ITGA8: variants seen among roughly 807,000 people sequenced by gnomAD.
ITGA8 encodes the protein integrin alpha-8.
In ITGA8, 91 loss-of-function variants were observed where a neutral mutation model predicts 142.3. That is an observed-to-expected ratio of 0.64 (90% confidence interval 0.54 to 0.76). The LOEUF (loss-of-function observed/expected upper bound fraction) is 0.76. Among genes scored for constraint, ITGA8 ranks in the 30% least tolerant of loss-of-function variants. The probability of loss-of-function intolerance (pLI) is 0.00; values close to 1 mark genes in which losing one functional copy is unlikely to be tolerated. For missense variants in ITGA8, 1,406 were observed against 1,327.7 expected (o/e 1.06, Z -0.92); for synonymous variants, 505 against 485.2 (o/e 1.04, Z -0.54).
intron 28 of ITGA8, among the ~76,000 whole-genome samples, chr10:15,524,115 TG>T (rs1244598442): frequency 6.6e-6 from 1 of 152,230 alleles, no homozygotes; most frequent in Non-Finnish European, 1.5e-5. Context: ...TCTGCTTTCC[TG>T]GTCCTTTTAC....
chr10:15,674,198 A>G (rs997011757), intron 6 of ITGA8, among the ~76,000 whole-genome samples: 11 of 152,288 alleles, frequency 7.2e-5, no homozygotes, highest in African/African-American at 2.6e-4. Flanking sequence ...GTTTCTGAAC[A>G]CTGTCTGTAG....
At chr10:15,558,864 T>A (rs1381961560) in intron 25 of ITGA8, among the ~76,000 whole-genome samples, 1 of 152,242 alleles carries the variant, frequency 6.6e-6, no homozygotes, top group Non-Finnish European at 1.5e-5. Context: ...GTCCATCTGC[T>A]GGCTGGATAA....
At chr10:15,644,308 C>G (rs1833927120) in intron 12 of ITGA8, 87 bp from the exon 13 acceptor site, 1 of 1,292,870 alleles carries the variant, frequency 7.7e-7, no homozygotes. Flanking sequence ...TACTCTGTCA[C>G]CCAAGCTGGA....
intron 23 of ITGA8, among the ~76,000 whole-genome samples, chr10:15,580,508 G>A (rs911856591): frequency 6.6e-6 from 1 of 151,990 alleles, no homozygotes; most frequent in Non-Finnish European, 1.5e-5. Flanking sequence ...TACTTCTTAC[G>A]AACGTAGATG....
chr10:15,654,045 A>G (rs1834138719), intron 11 of ITGA8, among the ~76,000 whole-genome samples: 1 of 152,108 alleles, frequency 6.6e-6, no homozygotes. Flanking sequence ...CACATTGGTC[A>G]GGCTGGCCTC....
intron 23 of ITGA8, among the ~76,000 whole-genome samples, chr10:15,579,748 G>A (rs552418795): frequency 1.3e-5 from 2 of 152,062 alleles, no homozygotes; most frequent in African/African-American, 4.8e-5. Flanking sequence ...CCAAATATCT[G>A]TAAATCAAAC....
chr10:15,608,193 T>C, intron 16 of ITGA8, 42 bp downstream of exon 16: 1 of 1,413,868 alleles, frequency 7.1e-7, no homozygotes. Flanking sequence ...TGTTCAACTT[T>C]CTTAGTATAC....
At chr10:15,630,071 G>A (rs1297773116) in intron 13 of ITGA8, among the ~76,000 whole-genome samples, 4 of 152,078 alleles carry the variant, frequency 2.6e-5, no homozygotes, top group African/African-American at 9.7e-5. Flanking sequence ...TGACACTGGT[G>A]AAGGCAGAAC....
intron 28 of ITGA8, among the ~76,000 whole-genome samples, chr10:15,523,756 CA>C (rs11388685): frequency 0.15 from 17,197 of 117,052 alleles, 1,214 homozygotes; most frequent in East Asian, 0.36. Flanking sequence ...CTAAAAATAC[CA>C]AAAAAAAAAA....
chr10:15,619,536 T>C (rs1053708311), intron 13 of ITGA8, among the ~76,000 whole-genome samples: 3 of 152,216 alleles, frequency 2.0e-5, no homozygotes, highest in Admixed American at 1.3e-4. Flanking sequence ...CTAGGACTCA[T>C]GGAATAAAAC....
intron 26 of ITGA8, among the ~76,000 whole-genome samples, 163 bp from the exon 27 acceptor site, chr10:15,548,731 T>G (rs993775279): frequency 1.3e-5 from 2 of 152,198 alleles, no homozygotes; most frequent in African/African-American, 4.8e-5. Context: ...AAAACACAGT[T>G]TAATGGCGAG....
At chr10:15,648,717 T>C (rs1272195760) in intron 11 of ITGA8, among the ~76,000 whole-genome samples, 1 of 152,078 alleles carries the variant, frequency 6.6e-6, no homozygotes, top group African/African-American at 2.4e-5. Flanking sequence ...TACAAGACAC[T>C]CCAACATCAC....
chr10:15,660,775 T>C (rs1210126145), intron 9 of ITGA8, 104 bp downstream of exon 9: 9 of 925,032 alleles, frequency 9.7e-6, no homozygotes, highest in African/African-American at 1.6e-5. Context: ...TGTTTTCAAC[T>C]GACAGTATTT....
chr10:15,604,997 G>A (rs543737741), intron 19 of ITGA8, among the ~76,000 whole-genome samples: 3 of 152,202 alleles, frequency 2.0e-5, no homozygotes, highest in South Asian at 4.2e-4. Context: ...TACTTAAAGC[G>A]ATTGCATTTG....
In ITGA8 at chr10:15,718,839, C is replaced by G. The variant is rs776130998; in HGVS notation, c.270G>C (p.Gly90=). The change falls in exon 2 of 30, where the codon GGG becomes GGC. Residue 90 remains glycine (G), a synonymous_variant. Coordinates refer to ENST00000378076, the MANE Select transcript of ITGA8 (RefSeq NM_003638.3). ...GCCAAGGACAGTAATAGACGGCTCCCCCTTCCACGATATCGGGCTGGCTGG... is the reference window on the plus strand; with the variant it reads ...GCCAAGGACAGTAATAGACGGCTCCGCCTTCCACGATATCGGGCTGGCTGG... ...ANTSQPDIVE[G]GAVYYCPWPA... 6.2e-7 allele frequency: 1 copy of G among 1,614,170 alleles called. No homozygotes were observed. The highest frequency in any genetic ancestry group is 1.1e-5 in the South Asian group (1 of 91,080).
At chr10:15,652,222 CA>C (rs1455091929) in intron 11 of ITGA8, among the ~76,000 whole-genome samples, 1 of 152,198 alleles carries the variant, frequency 6.6e-6, no homozygotes, top group Non-Finnish European at 1.5e-5. Context: ...AACATTCTCA[CA>C]AAACTTTGCT....
rs770127260 is a variant in ITGA8, at chr10:15,719,566, C to A, written c.206G>T (p.Arg69Leu). The change falls in exon 1 of 30, where the codon CGC becomes CTC. Residue 69 changes from arginine (R) to leucine (L), a missense_variant. Physicochemically the swap from Arg to Leu is moderately radical, Grantham distance 102. Coordinates refer to ENST00000378076, the MANE Select transcript of ITGA8 (RefSeq NM_003638.3). The part of the protein sequence containing the change: ...YAVDFHIPDA[R>L]TASVLVGAPK... Reference sequence around the variant, plus strand: ...CTCCCCGGGTCGGGCGACTTACGTGCGGGCGTCGGGTATGTGGAAGTCCAC... The same window carrying A: ...CTCCCCGGGTCGGGCGACTTACGTGAGGGCGTCGGGTATGTGGAAGTCCAC... 2 of 1,560,874 alleles carry A rather than the reference C, an allele frequency of 1.3e-6. No individual in the cohort carries two copies. Among genetic ancestry groups the A allele is most frequent in the African/African-American group, 1.4e-5 (1 of 70,868 alleles).
chr10:15,699,706 T>C (rs190356390), intron 2 of ITGA8, among the ~76,000 whole-genome samples: 69 of 152,342 alleles, frequency 4.5e-4, no homozygotes, highest in Middle Eastern at 3.4e-3. Flanking sequence ...ATGACATTGC[T>C]GGGTCATAGA....
chr10:15,697,863 G>A (rs576294880), intron 2 of ITGA8, among the ~76,000 whole-genome samples: 34 of 152,278 alleles, frequency 2.2e-4, no homozygotes, highest in Non-Finnish European at 3.8e-4. Flanking sequence ...AGTCTTTGGT[G>A]CAGTCTTGTG....
Sources: allele counts gnomAD v4.1 joint callset (sites outside exome capture counted in the v4.1 genomes callset), GRCh38; gene constraint gnomAD v4.1.1; transcripts MANE v1.5; gene names NCBI Gene and HGNC (gene_info 2026-07-23, HGNC 2026-07-21).